C2orf69: variants seen among roughly 807,000 people sequenced by gnomAD.
C2orf69 encodes the protein mitochondrial protein C2orf69.
C2orf69 carries 19 observed loss-of-function variants against 29.5 expected under a neutral mutation model. That is an observed-to-expected ratio of 0.65 (90% CI 0.45 to 0.95). The LOEUF is 0.95. Among genes scored for constraint, C2orf69 ranks in the 40% least tolerant of loss-of-function variants. The pLI is 0.00. For missense variants in C2orf69, 416 were observed against 482.1 expected, an observed-to-expected ratio of 0.86 and a Z score of 1.28; for synonymous variants, 194 against 180.0, an observed-to-expected ratio of 1.08 and a Z score of -0.62.
At chr2:199,922,125 T>C (rs2106636492) in intron 1 of C2orf69, among the ~76,000 whole-genome samples, 1 of 149,444 alleles carries the variant, frequency 6.7e-6, no homozygotes, top group East Asian at 2.0e-4. Context: ...AGGCAAGGTC[T>C]AACTCTATTG....
At chr2:199,912,805 T>C (rs1390215124) in intron 1 of C2orf69, among the ~76,000 whole-genome samples, 1 of 151,996 alleles carries the variant, frequency 6.6e-6, no homozygotes, top group Non-Finnish European at 1.5e-5. Context: ...CACACTGAGC[T>C]AATTTTTGTA....
chr2:199,912,018 C>T (rs1266395543), intron 1 of C2orf69, among the ~76,000 whole-genome samples: 1 of 152,204 alleles, frequency 6.6e-6, no homozygotes, highest in Non-Finnish European at 1.5e-5. Flanking sequence ...AAAGAGCCAG[C>T]TGTCGGTCCA....
At chr2:199,919,753 TC>T in intron 1 of C2orf69, among the ~76,000 whole-genome samples, 1 of 152,166 alleles carries the variant, frequency 6.6e-6, no homozygotes, top group Non-Finnish European at 1.5e-5. Context: ...CTCTTAAAGA[TC>T]CCACCTCTAA....
rs1559295540 is a variant in C2orf69, at chr2:199,925,260, A to G, written c.532A>G (p.Asn178Asp). 1 of 1,612,384 alleles carries G rather than the reference A, an allele frequency of 6.2e-7. No individual in the cohort carries two copies. The highest frequency in any genetic ancestry group is 8.5e-7 in the Non-Finnish European group (1 of 1,179,788). The change falls in exon 2 of 2, where the codon AAT becomes GAT. Residue 178 changes from asparagine to aspartate, a missense_variant. By Grantham distance (23) the Asn-to-Asp change is conservative. Transcript: ENST00000319974. This position sits in a 1 kb window ranked among gnomAD's most constrained non-coding sequence, Gnocchi z 4.9. ...TAACATGTTTGGTGCCCCAGAACACAATACTGACTTTGGAGCTTTTAAGCA... is the reference window on the plus strand; with the variant it reads ...TAACATGTTTGGTGCCCCAGAACACGATACTGACTTTGGAGCTTTTAAGCA... ...KSNMFGAPEH[N>D]TDFGAFKHLY...
At chr2:199,922,762 A>G (rs1018195302) in intron 1 of C2orf69, among the ~76,000 whole-genome samples, 1 of 152,062 alleles carries the variant, frequency 6.6e-6, no homozygotes, top group Non-Finnish European at 1.5e-5. Flanking sequence ...GATTCAACCC[A>G]CCTTCTCTTA....
intron 1 of C2orf69, among the ~76,000 whole-genome samples, chr2:199,917,907 C>T (rs921352570): frequency 6.6e-6 from 1 of 152,210 alleles, no homozygotes; most frequent in Non-Finnish European, 1.5e-5. Context: ...GTTTAATTGG[C>T]TCACAGTTTC....
rs138779158 is a variant in C2orf69, at chr2:199,915,264, A to G, written c.333+3493A>G. Among the ~76,000 whole-genome samples the G allele has an allele frequency of 7.2e-5, 11 of 152,178 alleles. No homozygotes were observed. The South Asian group carries it at 2.1e-3, about 29-fold the overall frequency. ...GTTGATGCTTTTAGAATGCCTATAG[A>G]CATTCTATTTTCTTTATTTTCTTTT... On this transcript the variant is annotated intron_variant, in intron 1 of 1. Coordinates refer to ENST00000319974, the MANE Select transcript of C2orf69 (RefSeq NM_153689.6).
Position 199,911,723 on chromosome 2 carries a change from G to A in C2orf69, c.285G>A (p.Pro95=), listed in dbSNP as rs1320108526. The change falls in exon 1 of 2, where the codon CCG becomes CCA. Residue 95 remains proline, a synonymous_variant. Transcript: ENST00000319974. ...CCGGGGACCCAGCGAAGGAGGAGCC[G>A]CAGCCGCCGCCCCAGCATCACGTCC... ...DLPGDPAKEE[P]QPPPQHHVLY... is the part of the protein sequence containing the mutation. 3.9e-6 allele frequency: 6 copies of A among 1,542,884 alleles called. No homozygotes were observed. Among genetic ancestry groups the A allele is most frequent in the Non-Finnish European group, 5.2e-6 (6 of 1,146,932 alleles).
chr2:199,922,031 T>TTATATATATATATATATATA (rs370430093), intron 1 of C2orf69, among the ~76,000 whole-genome samples: 2,895 of 78,614 alleles, frequency 0.037, 239 homozygotes, highest in African/African-American at 0.057. Context: ...ACTGTTATTT[T>TTATATATATATATATATATA]TATATATATA....
chr2:199,917,111 C>T (rs2077295933), intron 1 of C2orf69, among the ~76,000 whole-genome samples: 1 of 152,240 alleles, frequency 6.6e-6, no homozygotes, highest in African/African-American at 2.4e-5. Context: ...CTTGGGCTTG[C>T]ACACTCTGAA....
At chr2:199,913,684 GA>G (rs1389534463) in intron 1 of C2orf69, among the ~76,000 whole-genome samples, 2 of 149,888 alleles carry the variant, frequency 1.3e-5, no homozygotes, top group African/African-American at 4.9e-5. Context: ...AGATTTAAGA[GA>G]AAAAAAAGCC....
intron 1 of C2orf69, among the ~76,000 whole-genome samples, chr2:199,913,932 G>T (rs1446850041): frequency 6.6e-6 from 1 of 152,164 alleles, no homozygotes; most frequent in Non-Finnish European, 1.5e-5. Context: ...TTTGAGGCCA[G>T]ATTGCCTGGG....
At chr2:199,922,031 T>TTTATATATATATATATATATA (rs1553566020) in intron 1 of C2orf69, among the ~76,000 whole-genome samples, 1 of 78,984 alleles carries the variant, frequency 1.3e-5, no homozygotes. Flanking sequence ...ACTGTTATTT[T>TTTATATATATATATATATATA]TATATATATA....
chr2:199,922,031 T>TTTTATATATATATATATATATATA (rs1553566020), intron 1 of C2orf69, among the ~76,000 whole-genome samples: 1 of 78,970 alleles, frequency 1.3e-5, no homozygotes, highest in African/African-American at 5.3e-5. Context: ...ACTGTTATTT[T>TTTTATATATATATATATATATATA]TATATATATA....
intron 1 of C2orf69, among the ~76,000 whole-genome samples, chr2:199,914,897 A>G (rs967101992): frequency 9.2e-5 from 14 of 152,076 alleles, no homozygotes; most frequent in Non-Finnish European, 1.3e-4. Flanking sequence ...TAGGCTTCCT[A>G]TCAACTTTTC....
Position 199,927,461 on chromosome 2 carries a change from A to G in C2orf69, c.*1575A>G, listed in dbSNP as rs368954862. 12 of 152,012 alleles carry G rather than the reference A, an allele frequency of 7.9e-5. No homozygotes were observed. Among genetic ancestry groups the G allele is most frequent in the African/African-American group, 2.9e-4 (12 of 41,448 alleles). 9.4% of individuals were successfully genotyped at this position (152,012 alleles called of 1,614,324 possible). A position where few individuals can be genotyped will look rare whatever the true frequency, so the allele number is the denominator to read the frequency against. On this transcript the variant is annotated 3_prime_UTR_variant, in exon 2 of 2. Transcript: ENST00000319974. Reference sequence around the variant, plus strand: ...CTCCATAAATACATTCCAAATATTCAGAGATTCATGAGAAAGGATTCTTAA... The same window carrying G: ...CTCCATAAATACATTCCAAATATTCGGAGATTCATGAGAAAGGATTCTTAA...
intron 1 of C2orf69, among the ~76,000 whole-genome samples, chr2:199,914,646 CCT>C (rs577881670): frequency 3.9e-4 from 59 of 152,186 alleles, no homozygotes; most frequent in African/African-American, 1.3e-3. Flanking sequence ...CTTTTCCCAC[CCT>C]GTTACCTATC....
chr2:199,919,147 G>T, intron 1 of C2orf69, among the ~76,000 whole-genome samples: 1 of 152,068 alleles, frequency 6.6e-6, no homozygotes, highest in East Asian at 1.9e-4. Flanking sequence ...AGAAACGAGG[G>T]TCTCATTAGG....
At chr2:199,918,722 C>G (rs1174323268) in intron 1 of C2orf69, among the ~76,000 whole-genome samples, 1 of 152,040 alleles carries the variant, frequency 6.6e-6, no homozygotes, top group Non-Finnish European at 1.5e-5. Context: ...ATTATGTAAC[C>G]ACCAAAATCA....
Sources: gnomAD v4.1 joint callset for allele counts (sites outside exome capture counted in the v4.1 genomes callset) on GRCh38, gnomAD v4.1.1 for gene constraint, Gnocchi (gnomAD v3.1) non-coding constraint, MANE v1.5 for transcripts, NCBI Gene and HGNC (gene_info 2026-07-23, HGNC 2026-07-21) for gene names.